CDKN2B-AS1: variants seen among roughly 807,000 people sequenced by gnomAD.
CDKN2B-AS1 encodes the protein CDKN2B and CDKN2A antisense cis and trans regulatory RNA 1.
intron 1 of CDKN2B-AS1, chr9:22,030,975 C>A (rs1489821776): frequency 6.6e-6 from 1 of 152,046 alleles, no homozygotes; most frequent in East Asian, 1.9e-4. Context: ...CTTATGGTAA[C>A]AATGAATATG....
intron 4 of CDKN2B-AS1, among the ~76,000 whole-genome samples, chr9:22,076,002 G>T (rs574237767): frequency 1.1e-4 from 16 of 152,220 alleles, no homozygotes; most frequent in Non-Finnish European, 1.6e-4. Context: ...TTAAAGTCAG[G>T]TATGATTGAT....
intron 4 of CDKN2B-AS1, chr9:22,117,500 T>C (rs190916674): frequency 6.6e-6 from 1 of 152,194 alleles, no homozygotes. Flanking sequence ...AAGCAGCAAC[T>C]CATTTGGAAG....
chr9:22,009,213 C>T, intron 1 of CDKN2B-AS1: 2 of 598,238 alleles, frequency 3.3e-6, no homozygotes, highest in South Asian at 2.0e-5. Context: ...GAAAAAGCGC[C>T]TAGCGCGGAC....
intron 4 of CDKN2B-AS1, among the ~76,000 whole-genome samples, chr9:22,096,843 C>T (rs1193075704): frequency 6.6e-6 from 1 of 152,134 alleles, no homozygotes; most frequent in East Asian, 1.9e-4. Context: ...ACTCATCAAT[C>T]TATTAGACTC....
rs1350938054 is a variant in CDKN2B-AS1, at chr9:21,996,557, AT to A, written n.29+1398del. Among the ~76,000 whole-genome samples the A allele has an allele frequency of 6.6e-6, 1 of 151,788 alleles. No individual in the cohort carries two copies. The highest frequency in any genetic ancestry group is 1.5e-5 in the Non-Finnish European group (1 of 67,976). Reference sequence around the variant, plus strand: ...TCTTTATAGCACTTAGGACGAAGAGATTATTTTACTTATGTACTTGTTTACT... The same window carrying A: ...TCTTTATAGCACTTAGGACGAAGAGATATTTTACTTATGTACTTGTTTACT... On this transcript the variant is annotated intron_variant and non_coding_transcript_variant, in intron 1 of 4. Coordinates refer to ENST00000650946, the Ensembl canonical transcript of CDKN2B-AS1. This position sits in a 1 kb window ranked among gnomAD's most constrained non-coding sequence, Gnocchi z 5.4.
intron 1 of CDKN2B-AS1, among the ~76,000 whole-genome samples, chr9:22,014,865 GT>G (rs1297414838): frequency 6.7e-6 from 1 of 149,618 alleles, no homozygotes; most frequent in Non-Finnish European, 1.5e-5. Flanking sequence ...GCGGTGTTTG[GT>G]TTTTTGTCCT....
intron 1 of CDKN2B-AS1, among the ~76,000 whole-genome samples, chr9:22,011,185 A>G (rs901087543): frequency 6.6e-6 from 1 of 152,228 alleles, no homozygotes; most frequent in Non-Finnish European, 1.5e-5. Flanking sequence ...TTCACACTTG[A>G]TCTTCCAAAG....
chr9:22,044,954 G>A (rs1302214101), intron 1 of CDKN2B-AS1, among the ~76,000 whole-genome samples: 1 of 151,446 alleles, frequency 6.6e-6, no homozygotes, highest in Non-Finnish European at 1.5e-5. Context: ...TTTCCACCAT[G>A]TATACATTTC....
intron 1 of CDKN2B-AS1, among the ~76,000 whole-genome samples, chr9:22,040,593 A>G (rs1392533474): frequency 1.3e-5 from 2 of 151,930 alleles, no homozygotes; most frequent in African/African-American, 2.4e-5. Flanking sequence ...GTTCATGTGT[A>G]TGGATTCCAT....
chr9:22,004,039 A>T (rs1387647550), intron 1 of CDKN2B-AS1: 2 of 232,622 alleles, frequency 8.6e-6, no homozygotes, highest in Non-Finnish European at 1.7e-5. Context: ...TTGGCAAGTT[A>T]CTTGATATTT....
At chr9:22,043,222 T>C (rs1293210666) in intron 1 of CDKN2B-AS1, among the ~76,000 whole-genome samples, 1 of 152,076 alleles carries the variant, frequency 6.6e-6, no homozygotes, top group African/African-American at 2.4e-5. Context: ...GCTAAAACTT[T>C]TCCACTTTTA....
intron 3 of CDKN2B-AS1, among the ~76,000 whole-genome samples, chr9:22,052,563 T>C (rs1823393300): frequency 6.6e-6 from 1 of 152,154 alleles, no homozygotes; most frequent in South Asian, 2.1e-4. Flanking sequence ...AGGCTGCCCA[T>C]GTGGACATCA....
At chr9:22,103,194 G>C (rs922978269) in intron 4 of CDKN2B-AS1, among the ~76,000 whole-genome samples, 3 of 149,474 alleles carry the variant, frequency 2.0e-5, no homozygotes, top group African/African-American at 7.4e-5. Flanking sequence ...GTGAAGAGAG[G>C]GGAGGGGTGC....
At chr9:22,042,738 A>G (rs1420164082) in intron 1 of CDKN2B-AS1, among the ~76,000 whole-genome samples, 2 of 152,136 alleles carry the variant, frequency 1.3e-5, no homozygotes, top group Non-Finnish European at 2.9e-5. Flanking sequence ...TGGCATTATT[A>G]TGTTAAAGAA....
chr9:22,039,252 C>T lies in CDKN2B-AS1; in HGVS notation n.30-7499C>T, dbSNP rs1822808885. Among the ~76,000 whole-genome samples, 1 of 151,926 alleles carries T rather than the reference C, an allele frequency of 6.6e-6. No individual in the cohort carries two copies. Among genetic ancestry groups the T allele is most frequent in the Non-Finnish European group, 1.5e-5 (1 of 67,934 alleles). On this transcript the variant is annotated intron_variant and non_coding_transcript_variant, in intron 1 of 4. Transcript: ENST00000650946. The surrounding 1 kb of genome is among the most constrained non-coding windows in gnomAD (Gnocchi z 4.4). Reference sequence around the variant, plus strand: ...CATTAATATCTCAGTCAGGGGAAGCCATGTCAACTTACTGGTTTAATTTCC... The same window carrying T: ...CATTAATATCTCAGTCAGGGGAAGCTATGTCAACTTACTGGTTTAATTTCC...
intron 1 of CDKN2B-AS1, among the ~76,000 whole-genome samples, chr9:22,023,374 T>G (rs983570896): frequency 6.6e-6 from 1 of 152,166 alleles, no homozygotes; most frequent in African/African-American, 2.4e-5. Context: ...GGAAAGGTAG[T>G]CTTCAAGCTT....
intron 4 of CDKN2B-AS1, among the ~76,000 whole-genome samples, chr9:22,098,930 A>G (rs1440531141): frequency 6.6e-6 from 1 of 152,186 alleles, no homozygotes; most frequent in African/African-American, 2.4e-5. Flanking sequence ...CACTGTGGCA[A>G]TCTTTTGTAA....
intron 4 of CDKN2B-AS1, among the ~76,000 whole-genome samples, chr9:22,098,787 C>T (rs189322755): frequency 6.6e-6 from 1 of 152,150 alleles, no homozygotes; most frequent in Non-Finnish European, 1.5e-5. Flanking sequence ...CATCTTCTGA[C>T]TTCAGATCCC....
intron 4 of CDKN2B-AS1, among the ~76,000 whole-genome samples, chr9:22,105,820 A>G (rs1050898514): frequency 1.3e-5 from 2 of 152,194 alleles, no homozygotes; most frequent in African/African-American, 4.8e-5. Context: ...GTCATAAAAA[A>G]CAGATTAGGA....
Sources: gnomAD v4.1 joint callset for allele counts (sites outside exome capture counted in the v4.1 genomes callset) on GRCh38, gnomAD v4.1.1 for gene constraint, Gnocchi (gnomAD v3.1) non-coding constraint, MANE v1.5 for transcripts, NCBI Gene and HGNC (gene_info 2026-07-23, HGNC 2026-07-21) for gene names.